The following PTPRD variants were observed in gnomAD, a reference collection of about 807,000 sequenced individuals.
The protein encoded by PTPRD is receptor-type tyrosine-protein phosphatase delta.
Under a neutral mutation model 214.5 loss-of-function variants are expected in PTPRD, and 34 were observed. That is an observed-to-expected ratio of 0.16 (90% CI 0.12 to 0.21). PTPRD has a LOEUF of 0.21. Ranked by LOEUF, PTPRD falls within the 10% of genes least tolerant of loss-of-function variation. The pLI is 1.00. For missense variants in PTPRD, 2,545 were observed against 2,398.7 expected, an observed-to-expected ratio of 1.06 and a Z score of -1.27; for synonymous variants, 1,128 against 845.7, an observed-to-expected ratio of 1.33 and a Z score of -5.79.
At chr9:10,431,079 G>C (rs1361071896) in intron 2 of PTPRD, among the ~76,000 whole-genome samples, 1 of 151,918 alleles carries the variant, frequency 6.6e-6, no homozygotes. Context: ...TGAAATCACA[G>C]ACAATGCAGA....
At chr9:9,959,065 C>G (rs188108106) in intron 4 of PTPRD, among the ~76,000 whole-genome samples, 1 of 152,142 alleles carries the variant, frequency 6.6e-6, no homozygotes, top group South Asian at 2.1e-4. Flanking sequence ...TTTACAGCAG[C>G]TTTATTCATA....
chr9:8,456,375 G>T (rs2096202836), intron 33 of PTPRD, among the ~76,000 whole-genome samples: 1 of 152,070 alleles, frequency 6.6e-6, no homozygotes, highest in Non-Finnish European at 1.5e-5. Flanking sequence ...CACCCAGAAA[G>T]GCTTGATTTA....
At chr9:9,674,207 G>T (rs577123474) in intron 7 of PTPRD, among the ~76,000 whole-genome samples, 17 of 151,846 alleles carry the variant, frequency 1.1e-4, no homozygotes, top group African/African-American at 4.1e-4. Context: ...AATGGTAATG[G>T]AGCTGATAGG....
chr9:9,603,811 C>CTT (rs765183735), intron 7 of PTPRD, among the ~76,000 whole-genome samples: 80 of 151,650 alleles, frequency 5.3e-4, no homozygotes, highest in African/African-American at 1.9e-3. Context: ...AATCCTAGAA[C>CTT]TTTTAGTAAG....
chr9:9,168,311 CCTT>C (rs920941778), intron 10 of PTPRD, among the ~76,000 whole-genome samples: 50 of 152,258 alleles, frequency 3.3e-4, no homozygotes, highest in African/African-American at 1.1e-3. Flanking sequence ...ATGTTGCCCT[CCTT>C]CAATTTACTT....
intron 7 of PTPRD, among the ~76,000 whole-genome samples, chr9:9,727,127 T>G (rs574251599): frequency 6.6e-6 from 1 of 152,244 alleles, no homozygotes; most frequent in African/African-American, 2.4e-5. Flanking sequence ...ATTAGCAATA[T>G]GATAGATAAT....
At chr9:10,299,053 GTGTC>G (rs2095782779) in intron 3 of PTPRD, among the ~76,000 whole-genome samples, 1 of 152,068 alleles carries the variant, frequency 6.6e-6, no homozygotes, top group Non-Finnish European at 1.5e-5. Context: ...CCATTGTAGA[GTGTC>G]TGATAATGTA....
chr9:8,982,655 G>T (rs145207710), intron 11 of PTPRD, among the ~76,000 whole-genome samples: 22 of 151,538 alleles, frequency 1.5e-4, no homozygotes, highest in East Asian at 5.8e-4. Flanking sequence ...TGGGATAAAG[G>T]GTTTCTAAAA....
At position 9,750,460 on chromosome 9, in the gene PTPRD, C is replaced by A. The variant is rs568943968; in HGVS notation, c.-325-15889G>T. Among the ~76,000 whole-genome samples, 9 of 152,174 alleles carry A rather than the reference C, an allele frequency of 5.9e-5. No individual in the cohort carries two copies. The East Asian group carries it at 1.6e-3, about 26-fold the overall frequency. On this transcript the variant is annotated intron_variant, in intron 6 of 45. Transcript: ENST00000381196. ...TTCTCTTTGATGAGAAAACATGATCCAAAACTTCTCCTCCCTTTGTTTAAC... is the reference window on the plus strand; with the variant it reads ...TTCTCTTTGATGAGAAAACATGATCAAAAACTTCTCCTCCCTTTGTTTAAC...
intron 35 of PTPRD, among the ~76,000 whole-genome samples, chr9:8,411,209 T>C (rs1463929082): frequency 2.6e-5 from 4 of 151,996 alleles, no homozygotes; most frequent in Admixed American, 2.6e-4. Context: ...TCGTTCCAAA[T>C]AAGAATCCAA....
intron 37 of PTPRD, among the ~76,000 whole-genome samples, chr9:8,384,804 G>A (rs2086400627): frequency 1.3e-5 from 2 of 152,172 alleles, no homozygotes; most frequent in African/African-American, 4.8e-5. Flanking sequence ...GAGATTACAG[G>A]CGTGAGCCAC....
chr9:8,451,004 G>C (rs2095920020), intron 33 of PTPRD, among the ~76,000 whole-genome samples: 1 of 152,198 alleles, frequency 6.6e-6, no homozygotes, highest in South Asian at 2.1e-4. Context: ...CTGTGGTACA[G>C]CTCATTAGTG....
intron 12 of PTPRD, among the ~76,000 whole-genome samples, chr9:8,655,103 A>T (rs1432441725): frequency 2.0e-5 from 3 of 152,164 alleles, no homozygotes; most frequent in Non-Finnish European, 4.4e-5. Context: ...TAAATAGTTA[A>T]AAAAATAGGA....
chr9:10,210,146 C>T (rs1241816778), intron 3 of PTPRD, among the ~76,000 whole-genome samples: 4 of 152,040 alleles, frequency 2.6e-5, no homozygotes, highest in Non-Finnish European at 4.4e-5. Context: ...TTCATGTGAC[C>T]TTTATGCCAG....
At chr9:9,169,475 A>G (rs2099910437) in intron 10 of PTPRD, among the ~76,000 whole-genome samples, 1 of 152,150 alleles carries the variant, frequency 6.6e-6, no homozygotes, top group African/African-American at 2.4e-5. Context: ...AAGTTAGGAG[A>G]TTAAATGAGA....
chr9:9,685,303 C>T (rs991643417), intron 7 of PTPRD, among the ~76,000 whole-genome samples: 10 of 150,188 alleles, frequency 6.7e-5, no homozygotes, highest in East Asian at 1.9e-4. Context: ...ATAGATTTTA[C>T]GTAAGAATGC....
intron 9 of PTPRD, among the ~76,000 whole-genome samples, chr9:9,323,517 C>T (rs1236857189): frequency 1.3e-5 from 2 of 152,068 alleles, no homozygotes; most frequent in Non-Finnish European, 2.9e-5. Context: ...TTTTAATAGT[C>T]TATTTTCTAA....
chr9:10,443,600 T>C (rs2098776538), intron 2 of PTPRD, among the ~76,000 whole-genome samples: 1 of 151,716 alleles, frequency 6.6e-6, no homozygotes, highest in African/African-American at 2.4e-5. Context: ...TTACATTACT[T>C]GATGCCTCAT....
rs148417677 is a variant in PTPRD at position 10,558,785 on chromosome 9, A to C, written c.-600+53613T>G. On this transcript the variant is annotated intron_variant, in intron 2 of 45. Coordinates refer to ENST00000381196, the MANE Select transcript of PTPRD (RefSeq NM_002839.4). Reference sequence around the variant, plus strand: ...GGATGAATGGATTCACTCAATGAGAATTTTGTAAGCATGTAAAAACAATAT... The same window carrying C: ...GGATGAATGGATTCACTCAATGAGACTTTTGTAAGCATGTAAAAACAATAT... Among the ~76,000 whole-genome samples, 126 of 152,302 alleles carry C rather than the reference A, an allele frequency of 8.3e-4. 1 individual carries two copies. In the East Asian group the frequency reaches 0.011, roughly 14 times the overall value.
Sources: allele counts gnomAD v4.1 joint callset (sites outside exome capture counted in the v4.1 genomes callset), GRCh38; gene constraint gnomAD v4.1.1; transcripts MANE v1.5; gene names NCBI Gene and HGNC (gene_info 2026-07-23, HGNC 2026-07-21).